Variants in ARFRP1 observed in about 807,000 individuals in gnomAD.
ARFRP1 encodes the protein ADP-ribosylation factor-related protein 1.
Under a neutral mutation model 30.3 loss-of-function variants are expected in ARFRP1, and 19 were observed. The observed-to-expected ratio is 0.63, with a 90% CI of 0.44 to 0.92. The LOEUF is 0.92. ARFRP1 is among the 40% of genes least tolerant of loss of function. ARFRP1 has a pLI of 0.00. For synonymous variants in ARFRP1, 133 were observed against 114.2 expected (o/e 1.16, Z -1.05); for missense variants, 245 against 267.5 (o/e 0.92, Z 0.59).
chr20:63,700,682 G>A lies in ARFRP1; in HGVS notation c.438C>T (p.Asp146=). Residue 146 remains aspartate, a synonymous_variant, in exon 7 of 8, where the codon GAC becomes GAT. Coordinates refer to ENST00000622789, the MANE Select transcript of ARFRP1 (RefSeq NM_001267547.3). ...TGCAGTCGCTGAAGGCCGTCTTGAT[G>A]TCAGGGATTGAGAGGCACGTCTGGG... ...QDVETCLSIP[D]IKTAFSDCTS... is the part of the protein sequence containing the mutation. 5 of 1,610,978 alleles carry A rather than the reference G, an allele frequency of 3.1e-6. No homozygotes were observed. The highest frequency in any genetic ancestry group is 4.2e-6 in the Non-Finnish European group (5 of 1,179,900).
At chr20:63,707,283 T>C (rs1281787714) in intron 1 of ARFRP1, 186 bp from the exon 2 acceptor site, 3 of 599,804 alleles carry the variant, frequency 5.0e-6, no homozygotes, top group South Asian at 3.9e-5. Flanking sequence ...CAGCCGCCAC[T>C]GTGTCCTGCT....
Position 63,706,698 on chromosome 20 carries a change from T to C in ARFRP1, c.134A>G (p.Tyr45Cys), listed in dbSNP as rs746051037. The change falls in exon 3 of 8, where the codon TAC becomes TGC. Residue 45 changes from tyrosine to cysteine, a missense_variant. Tyr to Cys is a radical substitution (Grantham distance 194). Transcript: ENST00000622789. Reference sequence around the variant, plus strand: ...GATTTTGGATAGACTCATCCCCTTGTAGTTCTTGTTAAATCGGGTTTTCGA... The same window carrying C: ...GATTTTGGATAGACTCATCCCCTTGCAGTTCTTGTTAAATCGGGTTTTCGA... ...EQSKTRFNKN[Y>C]KGMSLSKITT... The C allele has an allele frequency of 1.9e-6, 3 of 1,614,022 alleles. No individual in the cohort carries two copies. The highest frequency in any genetic ancestry group is 2.5e-6 in the Non-Finnish European group (3 of 1,179,906).
chr20:63,707,603 C>A, intron 1 of ARFRP1: 1 of 153,708 alleles, frequency 6.5e-6, no homozygotes, highest in Non-Finnish European at 1.5e-5. Context: ...GGGGACGGCC[C>A]TGGGGGGAGC....
chr20:63,702,184 T>C lies in ARFRP1; in HGVS notation c.298A>G (p.Ile100Val), dbSNP rs758255944. 3 of 1,611,898 alleles carry C rather than the reference T, an allele frequency of 1.9e-6. No individual in the cohort carries two copies. The African/African-American group carries it at 4.0e-5, about 22-fold the overall frequency. The stretch of plus-strand genomic sequence containing the variant: ...AGCCTCTCCTCGTCGGTGGAGTCAA[T>C]GACGTAGATGACGCCGTGACACTCC... ...YAECHGVIYV[I>V]DSTDEERLAE... is the part of the protein sequence containing the mutation. Residue 100 changes from isoleucine to valine, a missense_variant, in exon 5 of 8, where the codon ATT becomes GTT. Ile to Val is a conservative substitution (Grantham distance 29). Coordinates refer to ENST00000622789, the MANE Select transcript of ARFRP1 (RefSeq NM_001267547.3).
Position 63,700,043 on chromosome 20 carries a change from GCCT to G in ARFRP1, c.*397_*399del, listed in dbSNP as rs2091118961. 3.8e-6 allele frequency: 1 copy of G among 260,176 alleles called. No homozygotes were observed. Among genetic ancestry groups the G allele is most frequent in the South Asian group, 4.3e-5 (1 of 23,374 alleles). 16.1% of individuals were successfully genotyped at this position (260,176 alleles called of 1,614,324 possible). ...GCCAGATGGCAGCCATGGCTGACGG[GCCT>G]CCTCCTCGATGGGGCGGAGACAGCC... On this transcript the variant is annotated 3_prime_UTR_variant, in exon 8 of 8. Coordinates refer to ENST00000622789, the MANE Select transcript of ARFRP1 (RefSeq NM_001267547.3).
chr20:63,704,835 G>A (rs1044513104), intron 4 of ARFRP1: 1 of 152,236 alleles, frequency 6.6e-6, no homozygotes, highest in African/African-American at 2.4e-5. Flanking sequence ...GCTGCAAAGA[G>A]CCACACTGCC....
In ARFRP1 at chr20:63,700,202, C is replaced by T; in HGVS notation, c.*241G>A. On this transcript the variant is annotated 3_prime_UTR_variant, in exon 8 of 8. Transcript: ENST00000622789. ...GGGCCTCGAAAGGCCGCCGCTGCGC[C>T]CTGTGGAAAGGCTGCCGCTGCAGGG... 1 of 573,886 alleles carries T rather than the reference C, an allele frequency of 1.7e-6. No individual in the cohort carries two copies. Among genetic ancestry groups the T allele is most frequent in the Admixed American group, 3.1e-5 (1 of 32,158 alleles). 35.5% of individuals were successfully genotyped at this position (573,886 alleles called of 1,614,324 possible).
At chr20:63,706,779 T>C (rs375046290) in intron 2 of ARFRP1, 41 bp from the exon 3 acceptor site, 1 of 1,494,494 alleles carries the variant, frequency 6.7e-7, no homozygotes, top group Non-Finnish European at 9.3e-7. Context: ...AAGGAGGGGC[T>C]ATACTGGCTT....
intron 4 of ARFRP1, chr20:63,704,362 G>A (rs1417590749): frequency 3.3e-5 from 5 of 152,260 alleles, no homozygotes; most frequent in African/African-American, 7.2e-5. Context: ...GCTGAATGAC[G>A]AGCCACAGCT....
intron 3 of ARFRP1, 68 bp from the exon 4 acceptor site, chr20:63,706,507 C>T (rs1189447659): frequency 9.0e-6 from 14 of 1,562,922 alleles, no homozygotes; most frequent in Non-Finnish European, 1.2e-5. Flanking sequence ...CCAGCTCTCC[C>T]AGGGGATGGG....
intron 1 of ARFRP1, 100 bp downstream of exon 1, chr20:63,707,767 C>G (rs746561751): frequency 2.0e-5 from 3 of 152,294 alleles, no homozygotes; most frequent in Non-Finnish European, 2.9e-5. Context: ...TGAGGCTCCC[C>G]GACAAGCAGC....
At chr20:63,705,535 C>T in intron 4 of ARFRP1, 5 of 454,198 alleles carry the variant, frequency 1.1e-5, no homozygotes, top group South Asian at 6.8e-5. Context: ...CTCAGAAATG[C>T]CCAAAACCTG....
At position 63,700,649 on chromosome 20, in the gene ARFRP1, C is replaced by G. The variant is rs1462108574; in HGVS notation, c.471G>C (p.Lys157Asn). The G allele has an allele frequency of 1.2e-6, 2 of 1,610,900 alleles. No homozygotes were observed. The highest frequency in any genetic ancestry group is 2.7e-5 in the African/African-American group (2 of 74,886). Residue 157 changes from lysine to asparagine, a missense_variant, in exon 7 of 8, where the codon AAG becomes AAC. Physicochemically the swap from Lys to Asn is moderately conservative, Grantham distance 94. Transcript: ENST00000622789. ...IKTAFSDCTS[K>N]IGRRDCLTQA... The stretch of plus-strand genomic sequence containing the variant: ...GGGTCAGGCAATCTCGCCTGCCGAT[C>G]TTGCTGGTGCAGTCGCTGAAGGCCG...
Position 63,700,641 on chromosome 20 carries a change from C to T in ARFRP1, c.479G>A (p.Arg160Lys), listed in dbSNP as rs2091157765. ...GCAGGCCTGGGTCAGGCAATCTCGC[C>T]TGCCGATCTTGCTGGTGCAGTCGCT... ...AFSDCTSKIG[R>K]RDCLTQACSA... Residue 160 changes from arginine (R) to lysine (K), a missense_variant, in exon 7 of 8, where the codon AGG becomes AAG. Transcript: ENST00000622789. 5 of 1,610,806 alleles carry T rather than the reference C, an allele frequency of 3.1e-6. No homozygotes were observed. Among genetic ancestry groups the T allele is most frequent in the Admixed American group, 3.3e-5 (2 of 59,986 alleles).
intron 4 of ARFRP1, chr20:63,705,552 A>G (rs1173356688): frequency 2.1e-6 from 1 of 466,098 alleles, no homozygotes; most frequent in Non-Finnish European, 4.4e-6. Context: ...CCTGTGTCAA[A>G]ATAGGAGACT....
chr20:63,707,486 G>C (rs1290209707), intron 1 of ARFRP1: 2 of 171,172 alleles, frequency 1.2e-5, no homozygotes, highest in Non-Finnish European at 2.5e-5. Context: ...CGGCACCCTC[G>C]AGCGCCAGCC....
Position 63,700,000 on chromosome 20 carries a change from CG to C in ARFRP1, c.*442del. 1 of 242,656 alleles carries C rather than the reference CG, an allele frequency of 4.1e-6. No homozygotes were observed. Among genetic ancestry groups the C allele is most frequent in the Non-Finnish European group, 8.3e-6 (1 of 121,126 alleles). 15.0% of individuals were successfully genotyped at this position (242,656 alleles called of 1,614,324 possible). The stretch of plus-strand genomic sequence containing the variant: ...GACCACTTCCGGGGTCACGGGGTCA[CG>C]GGGTCACAGGGCAGAAGCCAGATGG... On this transcript the variant is annotated 3_prime_UTR_variant, in exon 8 of 8. Transcript: ENST00000622789.
At chr20:63,706,261 G>T in intron 4 of ARFRP1, 96 bp downstream of exon 4, 14 of 1,154,022 alleles carry the variant, frequency 1.2e-5, no homozygotes. Context: ...GACAGAGTGG[G>T]TAAGGAAAAC....
chr20:63,707,970 A>C lies in ARFRP1; in HGVS notation c.-110T>G, dbSNP rs1261517530. 1 of 152,006 alleles carries C rather than the reference A, an allele frequency of 6.6e-6. No homozygotes were observed. 9.4% of individuals were successfully genotyped at this position (152,006 alleles called of 1,614,324 possible). ...GCCTGACGGGACGCGGGCCGGCCTCAGGGAATGAGCTGAACCGCGTCCCAG... is the reference window on the plus strand; with the variant it reads ...GCCTGACGGGACGCGGGCCGGCCTCCGGGAATGAGCTGAACCGCGTCCCAG... On this transcript the variant is annotated 5_prime_UTR_variant, in exon 1 of 8. Transcript: ENST00000622789.
Sources: allele counts gnomAD v4.1 joint callset, GRCh38; gene constraint gnomAD v4.1.1; transcripts MANE v1.5; gene names NCBI Gene and HGNC (gene_info 2026-07-23, HGNC 2026-07-21).